Variants in METTL16 observed in about 807,000 individuals in gnomAD.
METTL16 encodes RNA N(6)-adenosine-methyltransferase METTL16.
A neutral mutation model predicts 57.9 loss-of-function variants in METTL16; 19 were observed. The observed-to-expected ratio is 0.33, with a 90% confidence interval of 0.23 to 0.48. METTL16 has a LOEUF of 0.48. Ranked by LOEUF, METTL16 falls within the 20% of genes least tolerant of loss-of-function variation. The probability of loss-of-function intolerance (pLI) is 0.99; values close to 1 mark genes in which losing one functional copy is unlikely to be tolerated. For synonymous variants in METTL16, 246 were observed against 255.6 expected (o/e 0.96, Z 0.36); for missense variants, 434 against 691.5 (o/e 0.63, Z 4.18).
intron 2 of METTL16, among the ~76,000 whole-genome samples, chr17:2,501,330 G>A (rs1006990469): frequency 2.0e-5 from 3 of 152,064 alleles, no homozygotes; most frequent in Non-Finnish European, 4.4e-5. Context: ...TGGGGAGGCT[G>A]GGGCAGGAAG....
rs1018235358 is a variant in METTL16, at chr17:2,473,302, T to C, written c.469+222A>G. ...GGATAAATAAATAAATTTAGGCAAA[T>C]AGGCAAATTCACAAAAAAAGAATCC... On this transcript the variant is annotated intron_variant, in intron 4 of 9. Transcript: ENST00000263092. 2.6e-5 allele frequency among the ~76,000 whole-genome samples: 4 copies of C among 152,256 alleles called. No homozygotes were observed. In the South Asian group the frequency reaches 8.3e-4, roughly 32 times the overall value.
intron 2 of METTL16, among the ~76,000 whole-genome samples, chr17:2,494,993 G>T (rs1164238998): frequency 6.6e-6 from 1 of 151,634 alleles, no homozygotes; most frequent in African/African-American, 2.4e-5. Flanking sequence ...TCCTCAGACA[G>T]ATCTAGGCAA....
intron 2 of METTL16, among the ~76,000 whole-genome samples, chr17:2,483,882 T>C (rs371903187): frequency 1.3e-5 from 2 of 152,240 alleles, no homozygotes; most frequent in Admixed American, 6.5e-5. Flanking sequence ...GTTTTACATA[T>C]GACGAAGAAG....
intron 6 of METTL16, among the ~76,000 whole-genome samples, chr17:2,463,146 T>A (rs879269452): frequency 2.6e-5 from 4 of 152,222 alleles, no homozygotes; most frequent in African/African-American, 4.8e-5. Flanking sequence ...GACAGCTCAA[T>A]GTCCTCACAT....
intron 2 of METTL16, among the ~76,000 whole-genome samples, chr17:2,484,623 T>C (rs753320890): frequency 1.3e-5 from 2 of 151,934 alleles, no homozygotes; most frequent in Non-Finnish European, 2.9e-5. Flanking sequence ...ACCTCCTGAG[T>C]AGATAGGACT....
At position 2,417,264 on chromosome 17, in the gene METTL16, A is replaced by G. The variant is rs575113382; in HGVS notation, c.*2706T>C. 1.3e-5 allele frequency: 2 copies of G among 152,074 alleles called. No individual in the cohort carries two copies. The highest frequency in any genetic ancestry group is 4.8e-5 in the African/African-American group (2 of 41,396). The allele number at this position is 152,074 out of a possible 1,614,324, so 9.4% of individuals were successfully genotyped here. ...TTTTGAGTAGAGACGGGGTTTCGCC[A>G]TGTTGGCCAGGCTGGTCTCAAACTC... On this transcript the variant is annotated 3_prime_UTR_variant, in exon 10 of 10. Transcript: ENST00000263092.
intron 6 of METTL16, among the ~76,000 whole-genome samples, chr17:2,461,018 T>G (rs1180276781): frequency 6.6e-6 from 1 of 152,168 alleles, no homozygotes; most frequent in Non-Finnish European, 1.5e-5. Context: ...TCAGTATAAT[T>G]TTAGTCTATT....
rs140505248 is a variant in METTL16 at position 2,442,410 on chromosome 17, G to A, written c.729-851C>T. Among the ~76,000 whole-genome samples, 722 of 151,762 alleles carry A rather than the reference G, an allele frequency of 4.8e-3. 6 individuals carry two copies. Among genetic ancestry groups the A allele is most frequent in the African/African-American group, 0.016 (656 of 41,380 alleles). On this transcript the variant is annotated intron_variant, in intron 6 of 9. Coordinates refer to ENST00000263092, the MANE Select transcript of METTL16 (RefSeq NM_024086.4). ...CGTCTTGCTGAGTTGATGAGACACA[G>A]ATCAAAGTTCAGAGATGCTGACGGA...
At position 2,491,479 on chromosome 17, in the gene METTL16, C is replaced by A. The variant is rs2067388346; in HGVS notation, c.128+10725G>T. On this transcript the variant is annotated intron_variant, in intron 2 of 9. Coordinates refer to ENST00000263092, the MANE Select transcript of METTL16 (RefSeq NM_024086.4). ...AAAAGCCAAAAGCCTCCCAGTGTTA[C>A]TCCAAGGTTGGTTTCTAGTCTTTAG... Among the ~76,000 whole-genome samples, 6 of 152,288 alleles carry A rather than the reference C, an allele frequency of 3.9e-5. No homozygotes were observed. The South Asian group carries it at 1.2e-3, about 32-fold the overall frequency.
chr17:2,489,455 G>T (rs1324029606), intron 2 of METTL16, among the ~76,000 whole-genome samples: 1 of 152,114 alleles, frequency 6.6e-6, no homozygotes, highest in Non-Finnish European at 1.5e-5. Flanking sequence ...AGGAGTTTGA[G>T]AGCAGCCTGG....
intron 2 of METTL16, among the ~76,000 whole-genome samples, chr17:2,489,859 T>C (rs1597467359): frequency 6.6e-6 from 1 of 151,896 alleles, no homozygotes. Flanking sequence ...TAAATTTAAG[T>C]TTTGTACTAC....
chr17:2,451,621 CAA>C (rs1246896035), intron 6 of METTL16, among the ~76,000 whole-genome samples: 6 of 87,208 alleles, frequency 6.9e-5, no homozygotes, highest in Admixed American at 2.5e-4. Flanking sequence ...ACTCTGTTTC[CAA>C]AAAAAAAAAA....
At chr17:2,423,369 A>C (rs1399235633) in intron 8 of METTL16, among the ~76,000 whole-genome samples, 1 of 151,800 alleles carries the variant, frequency 6.6e-6, no homozygotes, top group Non-Finnish European at 1.5e-5. Context: ...GAACTTGTTC[A>C]ATTATGTTTC....
At chr17:2,494,285 G>C (rs2067424225) in intron 2 of METTL16, among the ~76,000 whole-genome samples, 5 of 152,162 alleles carry the variant, frequency 3.3e-5, no homozygotes, top group Admixed American at 3.3e-4. Context: ...GCCTCCCAAA[G>C]TGCTGGGATT....
At chr17:2,457,938 G>A (rs759520605) in intron 6 of METTL16, among the ~76,000 whole-genome samples, 9 of 151,916 alleles carry the variant, frequency 5.9e-5, no homozygotes, top group African/African-American at 9.7e-5. Context: ...GGAGTGCAGC[G>A]GCATAAACAC....
At chr17:2,448,825 A>AT (rs1281981978) in intron 6 of METTL16, among the ~76,000 whole-genome samples, 72 of 140,518 alleles carry the variant, frequency 5.1e-4, no homozygotes, top group African/African-American at 1.5e-3. Context: ...AAAAAAAAAA[A>AT]AGAGCATCCT....
Position 2,502,349 on chromosome 17 carries a change from A to G in METTL16, c.1-18T>C, listed in dbSNP as rs1181171215. ...AGAGCCATCTTAAGGAGAGAAAGAG[A>G]GAAAGAAAATCAGCATATTTATTAA... On this transcript the variant is annotated intron_variant, in intron 1 of 9. Transcript: ENST00000263092. 1 of 1,608,768 alleles carries G rather than the reference A, an allele frequency of 6.2e-7. No homozygotes were observed. The highest frequency in any genetic ancestry group is 8.5e-7 in the Non-Finnish European group (1 of 1,178,062).
At chr17:2,500,277 CTTTT>C (rs1358197752) in intron 2 of METTL16, among the ~76,000 whole-genome samples, 2 of 151,516 alleles carry the variant, frequency 1.3e-5, no homozygotes, top group African/African-American at 4.9e-5. Context: ...TTCTTTTTTT[CTTTT>C]TTCTTTTTTT....
intron 2 of METTL16, among the ~76,000 whole-genome samples, chr17:2,501,857 CAAA>C (rs71889986): frequency 6.0e-5 from 6 of 100,356 alleles, no homozygotes; most frequent in African/African-American, 1.2e-4. Flanking sequence ...GACTTTGTCT[CAAA>C]AAAAAAAAAA....
Sources: allele counts gnomAD v4.1 joint callset (sites outside exome capture counted in the v4.1 genomes callset), GRCh38; gene constraint gnomAD v4.1.1; transcripts MANE v1.5; gene names NCBI Gene and HGNC (gene_info 2026-07-23, HGNC 2026-07-21).